ZNF385D: variants seen among roughly 807,000 people sequenced by gnomAD.
ZNF385D encodes zinc finger protein 385D.
ZNF385D carries 15 observed loss-of-function variants against 35.8 expected under a neutral mutation model. That is an observed-to-expected ratio of 0.42 (90% CI 0.28 to 0.64). ZNF385D has a LOEUF of 0.64. ZNF385D is among the 30% of genes least tolerant of loss of function. The probability of loss-of-function intolerance (pLI) is 0.23; values close to 1 mark genes in which losing one functional copy is unlikely to be tolerated. For synonymous variants in ZNF385D, 212 were observed against 186.8 expected (o/e 1.13, Z -1.10); for missense variants, 474 against 494.6 (o/e 0.96, Z 0.39).
chr3:22,018,045 C>A (rs1423070935), intron 3 of ZNF385D, among the ~76,000 whole-genome samples: 3 of 151,456 alleles, frequency 2.0e-5, no homozygotes, highest in African/African-American at 7.3e-5. Flanking sequence ...TATTTTTTTC[C>A]CAATAGCACT....
chr3:21,918,221 G>T (rs1700287780), intron 3 of ZNF385D, among the ~76,000 whole-genome samples: 1 of 152,148 alleles, frequency 6.6e-6, no homozygotes, highest in Non-Finnish European at 1.5e-5. Context: ...GTGCTATATG[G>T]TCTATGCTCA....
chr3:21,834,424 G>A (rs1023292036), intron 3 of ZNF385D, among the ~76,000 whole-genome samples: 2 of 152,096 alleles, frequency 1.3e-5, no homozygotes, highest in Non-Finnish European at 2.9e-5. Context: ...AAAGACTTTA[G>A]GTGTATCCTC....
At chr3:21,739,739 C>T (rs2069420431) in intron 1 of ZNF385D, among the ~76,000 whole-genome samples, 1 of 152,146 alleles carries the variant, frequency 6.6e-6, no homozygotes, top group South Asian at 2.1e-4. Context: ...GATCCATGGT[C>T]ACCTGCAATT....
chr3:21,789,304 G>A (rs980207952), intron 3 of ZNF385D, among the ~76,000 whole-genome samples: 8 of 152,158 alleles, frequency 5.3e-5, no homozygotes, highest in African/African-American at 1.9e-4. Context: ...CCAAGAGCAA[G>A]ACACTCCTGT....
chr3:22,031,649 G>A (rs1698010039), intron 3 of ZNF385D, among the ~76,000 whole-genome samples: 1 of 152,182 alleles, frequency 6.6e-6, no homozygotes, highest in Non-Finnish European at 1.5e-5. Flanking sequence ...TGGAGGGGCT[G>A]CTGAGAAGAT....
intron 4 of ZNF385D, among the ~76,000 whole-genome samples, chr3:21,452,815 T>A (rs73129493): frequency 0.01 from 1,534 of 152,012 alleles, 28 homozygotes; most frequent in African/African-American, 0.035. Flanking sequence ...GGAATCCCTA[T>A]CAAATATTTA....
intron 2 of ZNF385D, among the ~76,000 whole-genome samples, chr3:22,197,602 G>C (rs989304799): frequency 2.6e-5 from 4 of 152,088 alleles, no homozygotes; most frequent in African/African-American, 9.6e-5. Context: ...AGGTCTTCAG[G>C]AGAGTCAGGT....
intron 1 of ZNF385D, among the ~76,000 whole-genome samples, chr3:21,700,591 G>A (rs1224652818): frequency 6.6e-6 from 1 of 152,154 alleles, no homozygotes; most frequent in African/African-American, 2.4e-5. Context: ...GACAAGTTTT[G>A]TGACCTTGTG....
chr3:21,871,006 A>G (rs1313284022), intron 3 of ZNF385D, among the ~76,000 whole-genome samples: 2 of 152,150 alleles, frequency 1.3e-5, no homozygotes, highest in African/African-American at 2.4e-5. Flanking sequence ...TTATCTGCTA[A>G]AAACTAATAG....
At chr3:21,911,905 T>C (rs1209180510) in intron 3 of ZNF385D, among the ~76,000 whole-genome samples, 1 of 151,880 alleles carries the variant, frequency 6.6e-6, no homozygotes, top group Non-Finnish European at 1.5e-5. Flanking sequence ...TAGAAGATAA[T>C]AATGTAAGCA....
chr3:21,562,721 G>C (rs1410675543), intron 3 of ZNF385D, among the ~76,000 whole-genome samples: 2 of 152,002 alleles, frequency 1.3e-5, no homozygotes, highest in African/African-American at 4.8e-5. Flanking sequence ...GAACTAAAAA[G>C]CCACTTAAAA....
At chr3:22,324,786 C>T (rs966114473) in intron 2 of ZNF385D, among the ~76,000 whole-genome samples, 7 of 152,132 alleles carry the variant, frequency 4.6e-5, no homozygotes, top group Non-Finnish European at 8.8e-5. Context: ...TACTGTGTCC[C>T]CTTTGACCCT....
At chr3:22,328,404 A>G (rs973214827) in intron 2 of ZNF385D, among the ~76,000 whole-genome samples, 1 of 152,198 alleles carries the variant, frequency 6.6e-6, no homozygotes, top group African/African-American at 2.4e-5. Flanking sequence ...ATGTTAGTAT[A>G]TAAGTATACA....
chr3:21,705,341 C>A (rs1382828587), intron 1 of ZNF385D, among the ~76,000 whole-genome samples: 1 of 152,138 alleles, frequency 6.6e-6, no homozygotes, highest in Admixed American at 6.5e-5. Flanking sequence ...GAAATATTTT[C>A]TTGGTACAGA....
chr3:21,566,550 A>G (rs1244787489), intron 2 of ZNF385D, among the ~76,000 whole-genome samples: 1 of 152,082 alleles, frequency 6.6e-6, no homozygotes, highest in African/African-American at 2.4e-5. Flanking sequence ...GAATCGCTTG[A>G]ACCCAGATTG....
intron 3 of ZNF385D, among the ~76,000 whole-genome samples, chr3:22,108,633 T>C (rs1702351016): frequency 6.6e-6 from 1 of 152,186 alleles, no homozygotes; most frequent in Admixed American, 6.6e-5. Context: ...ACTTAACCTC[T>C]CTAAGGCCAA....
At chr3:21,868,336 C>A (rs142948147) in intron 3 of ZNF385D, among the ~76,000 whole-genome samples, 127 of 152,136 alleles carry the variant, frequency 8.3e-4, no homozygotes, top group Non-Finnish European at 1.4e-3. Context: ...TATTTAAAGA[C>A]CCCTGCTCAT....
intron 5 of ZNF385D, among the ~76,000 whole-genome samples, chr3:21,428,933 C>CTTTTTTTTTTTTTTTTTTTTTTTTTT (rs56827844): frequency 6.2e-5 from 7 of 112,046 alleles, no homozygotes; most frequent in Non-Finnish European, 9.1e-5. Flanking sequence ...CCAAGAAATC[C>CTTTTTTTTTTTTTTTTTTTTTTTTTT]TTTTTTTTTT....
intron 2 of ZNF385D, among the ~76,000 whole-genome samples, chr3:22,175,185 A>G (rs1694737830): frequency 6.6e-6 from 1 of 152,084 alleles, no homozygotes; most frequent in South Asian, 2.1e-4. Flanking sequence ...AAATGAAGGT[A>G]AAAATATAAC....
Sources: allele counts gnomAD v4.1 joint callset (sites outside exome capture counted in the v4.1 genomes callset), GRCh38; gene constraint gnomAD v4.1.1; transcripts MANE v1.5; gene names NCBI Gene and HGNC (gene_info 2026-07-23, HGNC 2026-07-21).